PTGER3: variants seen among roughly 807,000 people sequenced by gnomAD.
PTGER3 encodes prostaglandin E receptor 3.
Under a neutral mutation model 34.7 loss-of-function variants are expected in PTGER3, and 22 were observed. That is an observed-to-expected ratio of 0.63 (90% confidence interval 0.45 to 0.91). The LOEUF (loss-of-function observed/expected upper bound fraction) is 0.91. PTGER3 is among the 40% of genes least tolerant of loss of function. The pLI is 0.00. For synonymous variants in PTGER3, 241 were observed against 230.1 expected, an observed-to-expected ratio of 1.05 and a Z score of -0.43; for missense variants, 468 against 519.4, an observed-to-expected ratio of 0.90 and a Z score of 0.96.
At chr1:70,925,305 A>G (rs2100463624) in intron 4 of PTGER3, among the ~76,000 whole-genome samples, 1 of 152,312 alleles carries the variant, frequency 6.6e-6, no homozygotes, top group Non-Finnish European at 1.5e-5. Context: ...ATGCTCAGCT[A>G]CGCACTCACT....
At chr1:70,921,208 A>G (rs1647486988) in intron 4 of PTGER3, among the ~76,000 whole-genome samples, 1 of 152,164 alleles carries the variant, frequency 6.6e-6, no homozygotes, top group East Asian at 1.9e-4. Flanking sequence ...AGGAGCTTAC[A>G]ATCTAGTAGC....
At chr1:70,920,850 A>C (rs1647452404) in intron 4 of PTGER3, among the ~76,000 whole-genome samples, 1 of 147,442 alleles carries the variant, frequency 6.8e-6, no homozygotes, top group East Asian at 2.0e-4. Flanking sequence ...AGCACTAAAG[A>C]GGAAATCAAG....
At chr1:70,969,328 TAAAAACAA>T (rs749830903), downstream of PTGER3, among the ~76,000 whole-genome samples, 24 of 152,190 alleles carry the variant, frequency 1.6e-4, no homozygotes, top group Non-Finnish European at 2.9e-4. Flanking sequence ...AACAACAACA[TAAAAACAA>T]AAAGCTATCA....
At chr1:71,022,500 A>G (rs1478876958) in intron 1 of PTGER3, among the ~76,000 whole-genome samples, 2 of 151,948 alleles carry the variant, frequency 1.3e-5, no homozygotes, top group Non-Finnish European at 1.5e-5. Flanking sequence ...CTAATCTGAT[A>G]TGATACATTC....
intron 4 of PTGER3, among the ~76,000 whole-genome samples, chr1:70,897,394 C>T (rs1646744230): frequency 6.6e-6 from 1 of 152,154 alleles, no homozygotes; most frequent in African/African-American, 2.4e-5. Context: ...CCAAATGACT[C>T]TGTAACTACA....
intron 4 of PTGER3, among the ~76,000 whole-genome samples, chr1:70,926,069 G>A (rs1156230507): frequency 6.6e-6 from 1 of 152,090 alleles, no homozygotes; most frequent in Non-Finnish European, 1.5e-5. Context: ...GTTTTAAAAA[G>A]AAAATATTGT....
intron 1 of PTGER3, among the ~76,000 whole-genome samples, chr1:71,042,187 A>G (rs919893296): frequency 1.3e-5 from 2 of 151,392 alleles, no homozygotes; most frequent in African/African-American, 4.9e-5. Context: ...TCATCTTGTC[A>G]TTCAGGGACT....
At chr1:70,898,752 G>A (rs1440854929) in intron 4 of PTGER3, among the ~76,000 whole-genome samples, 1 of 152,150 alleles carries the variant, frequency 6.6e-6, no homozygotes, top group African/African-American at 2.4e-5. Flanking sequence ...GCTTAAGTAA[G>A]TTAATGCATA....
intron 4 of PTGER3, among the ~76,000 whole-genome samples, chr1:70,892,837 C>CAAAAAAA (rs1176220550): frequency 2.1e-5 from 1 of 47,914 alleles, no homozygotes; most frequent in African/African-American, 6.1e-5. Flanking sequence ...CAAGACTCCT[C>CAAAAAAA]AAAAAAAAAA....
intron 2 of PTGER3, among the ~76,000 whole-genome samples, chr1:70,959,442 C>T (rs1221221901): frequency 6.6e-6 from 1 of 151,670 alleles, no homozygotes; most frequent in African/African-American, 2.4e-5. Context: ...CAACCTCCAC[C>T]TCCCTGCTCA....
chr1:70,919,138 C>A (rs983039653), intron 4 of PTGER3, among the ~76,000 whole-genome samples: 3 of 152,116 alleles, frequency 2.0e-5, no homozygotes, highest in Non-Finnish European at 4.4e-5. Context: ...CTGCCCCTGC[C>A]AGGCCCATTG....
At chr1:70,873,396 G>T (rs1303486833) in intron 4 of PTGER3, among the ~76,000 whole-genome samples, 1 of 152,026 alleles carries the variant, frequency 6.6e-6, no homozygotes, top group South Asian at 2.1e-4. Flanking sequence ...AGAAACCATG[G>T]TTTATTTTTA....
intron 2 of PTGER3, chr1:71,011,351 G>A: frequency 1.0e-6 from 1 of 985,188 alleles, no homozygotes; most frequent in Non-Finnish European, 1.2e-6. Context: ...ATCAGTATTG[G>A]AATTTAAAGA....
At chr1:71,012,635 T>G in intron 1 of PTGER3, 151 bp from the exon 2 acceptor site, 2 of 671,930 alleles carry the variant, frequency 3.0e-6, no homozygotes, top group Non-Finnish European at 4.9e-6. Flanking sequence ...GATAACACAG[T>G]CCTGAATTAT....
At chr1:71,015,577 C>T (rs564416515) in intron 1 of PTGER3, among the ~76,000 whole-genome samples, 1 of 152,276 alleles carries the variant, frequency 6.6e-6, no homozygotes, top group East Asian at 1.9e-4. Context: ...AATTCCCCAT[C>T]TTCTGTGTCT....
intron 4 of PTGER3, among the ~76,000 whole-genome samples, chr1:70,919,291 A>T (rs1274684331): frequency 1.3e-5 from 2 of 152,174 alleles, no homozygotes; most frequent in Non-Finnish European, 2.9e-5. Flanking sequence ...CTTTCTTAAA[A>T]GGAAATTTCT....
chr1:71,029,859 G>T (rs898238397), intron 1 of PTGER3, among the ~76,000 whole-genome samples: 1 of 151,846 alleles, frequency 6.6e-6, no homozygotes, highest in Non-Finnish European at 1.5e-5. Context: ...CTGGGAGGTG[G>T]AGGTTGCACT....
At chr1:71,039,055 T>A (rs895685460) in intron 1 of PTGER3, among the ~76,000 whole-genome samples, 1 of 152,136 alleles carries the variant, frequency 6.6e-6, no homozygotes, top group Admixed American at 6.5e-5. Context: ...AGGCTGTGGG[T>A]GCTAGCAAGA....
chr1:71,038,551 A>G (rs1464379521), intron 1 of PTGER3, among the ~76,000 whole-genome samples: 3 of 152,190 alleles, frequency 2.0e-5, no homozygotes, highest in African/African-American at 7.2e-5. Context: ...TGATCCTTCA[A>G]ATATCTATCA....
Sources: gnomAD v4.1 joint callset for allele counts (sites outside exome capture counted in the v4.1 genomes callset) on GRCh38, gnomAD v4.1.1 for gene constraint, MANE v1.5 for transcripts, NCBI Gene and HGNC (gene_info 2026-07-23, HGNC 2026-07-21) for gene names.